Variants in FTCDNL1 observed in about 807,000 individuals in gnomAD.
The protein encoded by FTCDNL1 is formiminotransferase N-terminal subdomain-containing protein.
FTCDNL1 carries 11 observed loss-of-function variants against 5.9 expected under a neutral mutation model. The ratio of observed to expected loss-of-function variants is 1.87; its 90% CI spans 1.18 to 3.10. The LOEUF (loss-of-function observed/expected upper bound fraction) is 3.10. FTCDNL1 is among the 30% of genes most tolerant of loss of function. FTCDNL1 has a pLI of 0.00. For synonymous variants in FTCDNL1, 58 were observed against 24.8 expected, an observed-to-expected ratio of 2.34 and a Z score of -3.99; for missense variants, 115 against 65.5, an observed-to-expected ratio of 1.76 and a Z score of -2.61.
At chr2:199,722,274 T>C in the FTCDNL1 span, among the ~76,000 whole-genome samples, 510 of 152,338 alleles carry the variant, frequency 3.3e-3, no homozygotes, top group Middle Eastern at 0.017. Context: ...TACATTTAAG[T>C]CTTTGGTGCA....
chr2:199,719,810 T>C, the FTCDNL1 span, among the ~76,000 whole-genome samples: 4 of 152,224 alleles, frequency 2.6e-5, no homozygotes, highest in South Asian at 8.3e-4. Flanking sequence ...AATTTTTTAA[T>C]ATTTTTTGTA....
chr2:199,847,662 A>T (rs928990200), intron 2 of FTCDNL1, among the ~76,000 whole-genome samples: 50 of 152,210 alleles, frequency 3.3e-4, no homozygotes, highest in Admixed American at 2.9e-3. Flanking sequence ...AGCTGCTGCC[A>T]CTAATAAGCT....
At chr2:199,744,934 A>G in the FTCDNL1 span, among the ~76,000 whole-genome samples, 34 of 152,226 alleles carry the variant, frequency 2.2e-4, no homozygotes, top group Admixed American at 5.2e-4. Flanking sequence ...AGGCCTCTCC[A>G]TTTTTCCTAA....
rs1443693764 is a variant in FTCDNL1, at chr2:199,811,179, C to CA, written c.*1525_*1526insT. 6.6e-6 allele frequency among the ~76,000 whole-genome samples: 1 copy of CA among 152,190 alleles called. No homozygotes were observed. The highest frequency in any genetic ancestry group is 1.5e-5 in the Non-Finnish European group (1 of 68,046). ...TTCCTAACAGTCAATACATCTCTCTCTCATCATCTCATGTCCCAATCACTT... is the reference window on the plus strand; with the variant it reads ...TTCCTAACAGTCAATACATCTCTCTCATCATCATCTCATGTCCCAATCACTT... On this transcript the variant is annotated 3_prime_UTR_variant, in exon 5 of 5. Coordinates refer to ENST00000420128, the MANE Select transcript of FTCDNL1 (RefSeq NM_001363886.2).
At chr2:199,835,420 G>A (rs1007434921) in intron 3 of FTCDNL1, among the ~76,000 whole-genome samples, 2 of 152,090 alleles carry the variant, frequency 1.3e-5, no homozygotes, top group African/African-American at 4.8e-5. Flanking sequence ...AATTAATGAT[G>A]CTATAATTAT....
downstream of FTCDNL1, among the ~76,000 whole-genome samples, chr2:199,807,847 T>A (rs1324120438): frequency 6.6e-6 from 1 of 152,146 alleles, no homozygotes; most frequent in East Asian, 1.9e-4. Context: ...TTGCCAACAT[T>A]TTATTTAGAA....
chr2:199,790,151 T>A (rs2106358790), intron 3 of FTCDNL1, among the ~76,000 whole-genome samples: 1 of 152,174 alleles, frequency 6.6e-6, no homozygotes, highest in Middle Eastern at 3.4e-3. Flanking sequence ...AAAATTAAAA[T>A]TTCTGTATAG....
the FTCDNL1 span, among the ~76,000 whole-genome samples, chr2:199,681,343 C>G: frequency 1.3e-5 from 2 of 152,154 alleles, no homozygotes; most frequent in Non-Finnish European, 2.9e-5. Context: ...GTAATCCCAG[C>G]TACTCGGGAG....
intron 1 of FTCDNL1, among the ~76,000 whole-genome samples, chr2:199,850,492 T>C (rs1000183602): frequency 6.6e-6 from 1 of 152,136 alleles, no homozygotes; most frequent in Non-Finnish European, 1.5e-5. Context: ...ACAAAGATGG[T>C]GTTAGAAAAA....
the FTCDNL1 span, among the ~76,000 whole-genome samples, chr2:199,698,590 T>C: frequency 0.033 from 5,057 of 152,186 alleles, 266 homozygotes; most frequent in African/African-American, 0.12. Flanking sequence ...AAAACAAAGA[T>C]GCAACATACC....
the FTCDNL1 span, among the ~76,000 whole-genome samples, chr2:199,753,473 A>T: frequency 1.3e-5 from 2 of 152,218 alleles, no homozygotes; most frequent in Non-Finnish European, 2.9e-5. Flanking sequence ...CCAACGAAGA[A>T]CTTTAAGCAG....
chr2:199,729,951 A>G, the FTCDNL1 span, among the ~76,000 whole-genome samples: 9 of 152,336 alleles, frequency 5.9e-5, no homozygotes, highest in East Asian at 1.5e-3. Flanking sequence ...ACCTCAAACT[A>G]TACTACCAGG....
intron 3 of FTCDNL1, among the ~76,000 whole-genome samples, chr2:199,800,498 T>C (rs1700388270): frequency 6.6e-6 from 1 of 152,186 alleles, no homozygotes; most frequent in Admixed American, 6.5e-5. Context: ...GTAAGTGAAT[T>C]TAGAATGAGA....
At chr2:199,790,240 G>C (rs962759150) in intron 3 of FTCDNL1, among the ~76,000 whole-genome samples, 4 of 152,148 alleles carry the variant, frequency 2.6e-5, no homozygotes, top group Non-Finnish European at 5.9e-5. Flanking sequence ...ACTCATGCCT[G>C]TAATCCCAGC....
At chr2:199,807,362 G>T (rs1428769528), downstream of FTCDNL1, among the ~76,000 whole-genome samples, 1 of 152,194 alleles carries the variant, frequency 6.6e-6, no homozygotes, top group East Asian at 1.9e-4. Flanking sequence ...TATTGGCCAG[G>T]CATGGTGGCT....
At chr2:199,732,111 T>C in the FTCDNL1 span, among the ~76,000 whole-genome samples, 5 of 152,230 alleles carry the variant, frequency 3.3e-5, no homozygotes, top group African/African-American at 7.2e-5. Context: ...AGAGAGAACA[T>C]TGATCTTCAT....
intron 2 of FTCDNL1, 143 bp from the exon 3 acceptor site, chr2:199,846,313 A>G: frequency 1.7e-6 from 1 of 578,772 alleles, no homozygotes; most frequent in Non-Finnish European, 3.1e-6. Context: ...AATAAACATG[A>G]AATTCATGAG....
At chr2:199,846,882 C>T (rs1022288299) in intron 2 of FTCDNL1, among the ~76,000 whole-genome samples, 18 of 152,232 alleles carry the variant, frequency 1.2e-4, no homozygotes, top group Non-Finnish European at 2.4e-4. Context: ...CTTAAGCCTA[C>T]AAAAGCAAAT....
chr2:199,839,712 C>T (rs1275503681), intron 3 of FTCDNL1, among the ~76,000 whole-genome samples: 1 of 152,014 alleles, frequency 6.6e-6, no homozygotes, highest in East Asian at 1.9e-4. Flanking sequence ...AGGTCACATA[C>T]AAAAAATAAG....
Sources: gnomAD v4.1 joint callset for allele counts (sites outside exome capture counted in the v4.1 genomes callset) on GRCh38, gnomAD v4.1.1 for gene constraint, MANE v1.5 for transcripts, NCBI Gene and HGNC (gene_info 2026-07-23, HGNC 2026-07-21) for gene names.